The following ASB4 variants were observed in gnomAD, a reference collection of about 807,000 sequenced individuals.
ASB4 encodes ankyrin repeat and SOCS box protein 4.
A neutral mutation model predicts 38.6 loss-of-function variants in ASB4; 35 were observed. The observed-to-expected ratio is 0.91, with a 90% CI of 0.69 to 1.20. The LOEUF (loss-of-function observed/expected upper bound fraction) is 1.20. Ranked by LOEUF, ASB4 falls within the 50% of genes most tolerant of loss-of-function variation. ASB4 has a pLI of 0.00. For synonymous variants in ASB4, 195 were observed against 201.3 expected (o/e 0.97, Z 0.26); for missense variants, 557 against 527.2 (o/e 1.06, Z -0.55).
chr7:95,519,963 T>C (rs928272079), intron 2 of ASB4, among the ~76,000 whole-genome samples: 3 of 152,156 alleles, frequency 2.0e-5, no homozygotes, highest in African/African-American at 7.2e-5. Context: ...TGAACAATGT[T>C]TCAAAACAGA....
At chr7:95,491,371 C>A (rs752571067) in intron 1 of ASB4, among the ~76,000 whole-genome samples, 4 of 152,140 alleles carry the variant, frequency 2.6e-5, no homozygotes, top group Non-Finnish European at 5.9e-5. Flanking sequence ...GGGAGGCAGC[C>A]GCTGCTTCAC....
chr7:95,491,488 G>A (rs1562809781), intron 1 of ASB4, among the ~76,000 whole-genome samples: 1 of 152,198 alleles, frequency 6.6e-6, no homozygotes, highest in Admixed American at 6.5e-5. Flanking sequence ...CTGCAGAGGT[G>A]AGCAGAGGGG....
intron 2 of ASB4, among the ~76,000 whole-genome samples, chr7:95,497,485 A>G (rs1289201121): frequency 1.3e-5 from 2 of 152,196 alleles, no homozygotes; most frequent in East Asian, 1.9e-4. Flanking sequence ...TAGTGATGCC[A>G]TTTTTTGAGG....
At chr7:95,511,632 A>C (rs1427597455) in intron 2 of ASB4, among the ~76,000 whole-genome samples, 1 of 151,872 alleles carries the variant, frequency 6.6e-6, no homozygotes, top group Non-Finnish European at 1.5e-5. Context: ...ATTGCACTCC[A>C]GCCTGGGCAA....
At chr7:95,485,428 G>A (rs1012133999), upstream of ASB4, among the ~76,000 whole-genome samples, 5 of 151,908 alleles carry the variant, frequency 3.3e-5, no homozygotes, top group East Asian at 7.7e-4. Flanking sequence ...TCAAGTCTAG[G>A]TCACTTGAAA....
chr7:95,522,659 C>T (rs781072582), intron 2 of ASB4, among the ~76,000 whole-genome samples: 15 of 152,150 alleles, frequency 9.9e-5, no homozygotes, highest in Admixed American at 2.6e-4. Context: ...GTACCAGTCT[C>T]TTTCCACACA....
At chr7:95,483,526 T>G (rs1429136819), upstream of ASB4, among the ~76,000 whole-genome samples, 2 of 152,216 alleles carry the variant, frequency 1.3e-5, no homozygotes, top group Non-Finnish European at 2.9e-5. Context: ...GTCCTTCTTT[T>G]TGCCACTGAG....
At chr7:95,502,026 T>C (rs1790345521) in intron 2 of ASB4, among the ~76,000 whole-genome samples, 1 of 151,534 alleles carries the variant, frequency 6.6e-6, no homozygotes, top group Non-Finnish European at 1.5e-5. Context: ...ATCATAAAAC[T>C]GGGGAAAATA....
At chr7:95,480,913 C>G (rs1790016984), upstream of ASB4, among the ~76,000 whole-genome samples, 1 of 152,124 alleles carries the variant, frequency 6.6e-6, no homozygotes, top group Non-Finnish European at 1.5e-5. Context: ...TAAATGTGAG[C>G]TGATTTCTTA....
At chr7:95,483,559 G>C (rs1374169000), upstream of ASB4, among the ~76,000 whole-genome samples, 1 of 152,142 alleles carries the variant, frequency 6.6e-6, no homozygotes, top group African/African-American at 2.4e-5. Flanking sequence ...ACCCATAATG[G>C]GGGATCAGAT....
intron 2 of ASB4, among the ~76,000 whole-genome samples, chr7:95,512,904 A>G (rs1029494959): frequency 6.6e-5 from 10 of 152,218 alleles, no homozygotes; most frequent in Admixed American, 6.5e-5. Flanking sequence ...GCCTGTGATT[A>G]CATGTTACTT....
chr7:95,545,768 G>A, the ASB4 span, among the ~76,000 whole-genome samples: 3 of 152,164 alleles, frequency 2.0e-5, no homozygotes, highest in Non-Finnish European at 4.4e-5. Flanking sequence ...TGAGAGATCA[G>A]GACCAAGCTA....
intron 3 of ASB4, among the ~76,000 whole-genome samples, chr7:95,533,882 C>T (rs889075688): frequency 1.3e-5 from 2 of 152,172 alleles, no homozygotes; most frequent in African/African-American, 4.8e-5. Context: ...CTTCCTCTCT[C>T]GTGCCTATTA....
intron 2 of ASB4, among the ~76,000 whole-genome samples, chr7:95,514,534 A>G (rs1056861896): frequency 6.6e-5 from 10 of 152,218 alleles, no homozygotes; most frequent in African/African-American, 2.4e-4. Context: ...GAAGAGGTTG[A>G]CTGACATGTT....
At chr7:95,483,446 G>A (rs1299216239), upstream of ASB4, among the ~76,000 whole-genome samples, 1 of 152,180 alleles carries the variant, frequency 6.6e-6, no homozygotes, top group African/African-American at 2.4e-5. Context: ...CAAAGAGACT[G>A]ATCATTTACC....
intron 2 of ASB4, among the ~76,000 whole-genome samples, chr7:95,517,072 G>A (rs1208859460): frequency 6.6e-6 from 1 of 152,206 alleles, no homozygotes; most frequent in African/African-American, 2.4e-5. Flanking sequence ...ATGATCATTT[G>A]CATGGTTTGT....
chr7:95,536,393 A>G lies in ASB4; in HGVS notation c.979-44A>G, dbSNP rs144557548. On this transcript the variant is annotated intron_variant, in intron 3 of 4. Coordinates refer to ENST00000325885, the MANE Select transcript of ASB4 (RefSeq NM_016116.3). Reference sequence around the variant, plus strand: ...TCTCTGTGAGCAGAATGAATGAACCATATATGTGCATCAAACAGATGAAAC... The same window carrying G: ...TCTCTGTGAGCAGAATGAATGAACCGTATATGTGCATCAAACAGATGAAAC... The G allele has an allele frequency of 2.1e-4, 256 of 1,245,590 alleles. 1 individual carries two copies. The African/African-American group carries it at 3.4e-3, about 16-fold the overall frequency. 77.2% of individuals were successfully genotyped at this position (1,245,590 alleles called of 1,614,324 possible).
the ASB4 span, among the ~76,000 whole-genome samples, chr7:95,545,479 A>C: frequency 6.6e-6 from 1 of 152,120 alleles, no homozygotes; most frequent in Non-Finnish European, 1.5e-5. Flanking sequence ...TGAAATAGAC[A>C]ATTTCATTAG....
rs113668289 is a variant in ASB4, at chr7:95,501,646, A to T, written c.487+5589A>T. On this transcript the variant is annotated intron_variant, in intron 2 of 4. Coordinates refer to ENST00000325885, the MANE Select transcript of ASB4 (RefSeq NM_016116.3). ...AACTGAAACTTTGTTAACTTTTTACATTGTGGCCTTTTCATGTGACTTCAT... is the reference window on the plus strand; with the variant it reads ...AACTGAAACTTTGTTAACTTTTTACTTTGTGGCCTTTTCATGTGACTTCAT... Among the ~76,000 whole-genome samples the T allele has an allele frequency of 1.1e-3, 160 of 152,306 alleles. 1 individual carries two copies. Among genetic ancestry groups the T allele is most frequent in the African/African-American group, 3.6e-3 (149 of 41,550 alleles).
Sources: gnomAD v4.1 joint callset for allele counts (sites outside exome capture counted in the v4.1 genomes callset) on GRCh38, gnomAD v4.1.1 for gene constraint, MANE v1.5 for transcripts, NCBI Gene and HGNC (gene_info 2026-07-23, HGNC 2026-07-21) for gene names.